Variants in DHX29 observed in about 807,000 individuals in gnomAD.
The protein encoded by DHX29 is DExH-box helicase 29, also known as ATP-dependent RNA helicase DHX29.
A neutral mutation model predicts 167.9 loss-of-function variants in DHX29; 79 were observed. The observed-to-expected ratio is 0.47, with a 90% CI of 0.39 to 0.57. The LOEUF (loss-of-function observed/expected upper bound fraction) is 0.57. Ranked by LOEUF, DHX29 falls within the 20% of genes least tolerant of loss-of-function variation. The probability of loss-of-function intolerance (pLI) is 0.00; values close to 1 mark genes in which losing one functional copy is unlikely to be tolerated. For synonymous variants in DHX29, 530 were observed against 546.0 expected (o/e 0.97, Z 0.41); for missense variants, 1,347 against 1,593.4 (o/e 0.85, Z 2.63).
intron 11 of DHX29, among the ~76,000 whole-genome samples, chr5:55,281,913 A>G (rs556440105): frequency 9.3e-4 from 141 of 151,340 alleles, no homozygotes; most frequent in African/African-American, 1.7e-3. Flanking sequence ...AGCCTCCCAC[A>G]TAGCTGGGAT....
rs373841954 is a variant in DHX29, at chr5:55,273,693, G to A, written c.2691-316C>T. ...AACAGCTGATTAAATATATATGGAT[G>A]ATAAACTGCAGCTTGGTTGGAGTTT... is the stretch of plus-strand genomic sequence containing the variant. On this transcript the variant is annotated intron_variant, in intron 16 of 26. Coordinates refer to ENST00000251636, the MANE Select transcript of DHX29 (RefSeq NM_019030.4). Among the ~76,000 whole-genome samples, 204 of 152,244 alleles carry A rather than the reference G, an allele frequency of 1.3e-3. 2 individuals are homozygous for A. The Middle Eastern group carries it at 0.024, about 18-fold the overall frequency.
chr5:55,305,265 G>T (rs1032436557), intron 1 of DHX29, among the ~76,000 whole-genome samples: 1 of 152,182 alleles, frequency 6.6e-6, no homozygotes, highest in Non-Finnish European at 1.5e-5. Context: ...AATTCAAAAG[G>T]AAGTTGTTAT....
In DHX29 at chr5:55,274,993, C is replaced by T. The variant is rs184923068; in HGVS notation, c.2445G>A (p.Gln815=). 11 of 1,613,462 alleles carry T rather than the reference C, an allele frequency of 6.8e-6. No individual in the cohort carries two copies. In the East Asian group the frequency reaches 2.5e-4, roughly 36 times the overall value. The change falls in exon 15 of 27, where the codon CAG becomes CAA. Residue 815 remains glutamine, a synonymous_variant. Transcript: ENST00000251636. ...IKKYQEYIPV[Q]TGAHADLNPF... is the part of the protein sequence containing the mutation. Reference sequence around the variant, plus strand: ...GATTTAAATCAGCATGTGCTCCAGTCTGAACTGGGATGTATTCCTAAAAGA... The same window carrying T: ...GATTTAAATCAGCATGTGCTCCAGTTTGAACTGGGATGTATTCCTAAAAGA...
chr5:55,274,536 C>T (rs1747010253), intron 16 of DHX29, 78 bp downstream of exon 16: 3 of 1,092,866 alleles, frequency 2.7e-6, no homozygotes, highest in Admixed American at 5.5e-5. Context: ...ACTTTGAAAA[C>T]TCTGATCAAG....
At position 55,277,103 on chromosome 5, in the gene DHX29, T is replaced by C. The variant is rs759656295; in HGVS notation, c.2286+3A>G. On this transcript the variant is annotated splice_donor_region_variant and intron_variant, in intron 13 of 26. Coordinates refer to ENST00000251636, the MANE Select transcript of DHX29 (RefSeq NM_019030.4). Reference sequence around the variant, plus strand: ...TTATACACACATTATAAAGAAAACTTACCTCAACAGGATAACTTCTTCCTG... The same window carrying C: ...TTATACACACATTATAAAGAAAACTCACCTCAACAGGATAACTTCTTCCTG... The C allele has an allele frequency of 2.1e-5, 33 of 1,599,680 alleles. No homozygotes were observed. Among genetic ancestry groups the C allele is most frequent in the Non-Finnish European group, 2.8e-5 (33 of 1,174,506 alleles).
rs1245379414 is a variant in DHX29 at position 55,296,474 on chromosome 5, T to C, written c.376-125A>G. ...TATAATTTCAAAACTATCTTTTTTTTCCCAGTTAAAAATGAAATGTGTTTA... is the reference window on the plus strand; with the variant it reads ...TATAATTTCAAAACTATCTTTTTTTCCCCAGTTAAAAATGAAATGTGTTTA... On this transcript the variant is annotated intron_variant, in intron 3 of 26. Transcript: ENST00000251636. 7 of 1,240,012 alleles carry C rather than the reference T, an allele frequency of 5.6e-6. No individual in the cohort carries two copies. In the Admixed American group the frequency reaches 1.0e-4, roughly 18 times the overall value. The allele number at this position is 1,240,012 out of a possible 1,614,324, so 76.8% of individuals were successfully genotyped here.
chr5:55,275,920 T>C (rs1747089015), intron 14 of DHX29, among the ~76,000 whole-genome samples: 1 of 122,582 alleles, frequency 8.2e-6, no homozygotes, highest in South Asian at 2.5e-4. Context: ...GCACCTATGG[T>C]GTTGAGAGAA....
At chr5:55,260,322 C>A (rs1746253186) in intron 25 of DHX29, among the ~76,000 whole-genome samples, 1 of 152,040 alleles carries the variant, frequency 6.6e-6, no homozygotes, top group Non-Finnish European at 1.5e-5. Flanking sequence ...ACCTTCGCCT[C>A]CCAGGTTCAA....
At chr5:55,280,145 A>C (rs905707614) in intron 12 of DHX29, among the ~76,000 whole-genome samples, 13 of 152,132 alleles carry the variant, frequency 8.5e-5, no homozygotes, top group Non-Finnish European at 2.9e-5. Flanking sequence ...TCTTACAATA[A>C]ATACTTAACA....
At position 55,278,665 on chromosome 5, in the gene DHX29, G is replaced by T. The variant is rs114258734; in HGVS notation, c.2110-1383C>A. ...ATAGCTAATCCAGATGGTCAAGAAGGCTACTAAGACAAATGCCACTGATGC... is the reference window on the plus strand; with the variant it reads ...ATAGCTAATCCAGATGGTCAAGAAGTCTACTAAGACAAATGCCACTGATGC... On this transcript the variant is annotated intron_variant, in intron 12 of 26. Transcript: ENST00000251636. Among the ~76,000 whole-genome samples, 1,178 of 152,274 alleles carry T rather than the reference G, an allele frequency of 7.7e-3. 11 individuals are homozygous for T. The highest frequency in any genetic ancestry group is 0.026 in the African/African-American group (1,086 of 41,530).
At chr5:55,263,111 G>C (rs1039951445) in intron 23 of DHX29, among the ~76,000 whole-genome samples, 179 bp from the exon 24 acceptor site, 2 of 151,954 alleles carry the variant, frequency 1.3e-5, no homozygotes, top group African/African-American at 4.8e-5. Context: ...TCAAGAATTA[G>C]AATCAGCTAT....
Position 55,269,436 on chromosome 5 carries a change from T to C in DHX29, c.3271A>G (p.Ile1091Val), listed in dbSNP as rs1746742651. ...KIGKMLIFGA[I>V]FGCLDPVATL... Reference sequence around the variant, plus strand: ...ACCACTGGGTCAAGGCAGCCAAATATGGCACCAAAAATAAGCATCTTGCCA... The same window carrying C: ...ACCACTGGGTCAAGGCAGCCAAATACGGCACCAAAAATAAGCATCTTGCCA... The change falls in exon 21 of 27, where the codon ATA becomes GTA. Residue 1091 changes from isoleucine (I) to valine (V), a missense_variant. Physicochemically the swap from Ile to Val is conservative, Grantham distance 29. Around this residue, in one of 3 missense-constraint regions of DHX29, gnomAD observed 882 missense variants for 1,082.4 expected, o/e 0.81. Coordinates refer to ENST00000251636, the MANE Select transcript of DHX29 (RefSeq NM_019030.4). 3 of 1,612,902 alleles carry C rather than the reference T, an allele frequency of 1.9e-6. No homozygotes were observed. The highest frequency in any genetic ancestry group is 4.5e-5 in the East Asian group (2 of 44,882).
At chr5:55,270,211 A>G (rs983753924) in intron 20 of DHX29, among the ~76,000 whole-genome samples, 8 of 152,158 alleles carry the variant, frequency 5.3e-5, no homozygotes, top group African/African-American at 1.9e-4. Context: ...ATGAGGCTGT[A>G]TTTTAATCTA....
Position 55,290,351 on chromosome 5 carries a change from CA to C in DHX29, c.781-8del, listed in dbSNP as rs1747978021. 1 of 1,570,736 alleles carries C rather than the reference CA, an allele frequency of 6.4e-7. No homozygotes were observed. Among genetic ancestry groups the C allele is most frequent in the African/African-American group, 1.4e-5 (1 of 72,352 alleles). On this transcript the variant is annotated splice_region_variant and splice_polypyrimidine_tract_variant and intron_variant, in intron 6 of 26. Coordinates refer to ENST00000251636, the MANE Select transcript of DHX29 (RefSeq NM_019030.4). Reference sequence around the variant, plus strand: ...GATGTAAGTACCTTTCATTCTGTTCCAAATAAAACAATGAGGAGGGGGAAAA... The same window carrying C: ...GATGTAAGTACCTTTCATTCTGTTCCAATAAAACAATGAGGAGGGGGAAAA...
Position 55,283,436 on chromosome 5 carries a change from G to C in DHX29, c.1732C>G (p.Arg578Gly). 1.2e-6 allele frequency: 2 copies of C among 1,614,134 alleles called. No individual in the cohort carries two copies. Among genetic ancestry groups the C allele is most frequent in the Non-Finnish European group, 8.5e-7 (1 of 1,180,026 alleles). ...ERQQLPVFKH[R>G]DSIVETLKRH... ...TTAAGAGTTTCAACAATTGAGTCCC[G>C]ATGTTTAAATACAGGTAGCTGTTGT... The change falls in exon 11 of 27, where the codon CGG becomes GGG. Residue 578 changes from arginine (R) to glycine (G), a missense_variant. By Grantham distance (125) the Arg-to-Gly change is moderately radical. Transcript: ENST00000251636.
At position 55,267,762 on chromosome 5, in the gene DHX29, C is replaced by G. The variant is rs372274520; in HGVS notation, c.3355G>C (p.Asp1119His). Residue 1119 changes from aspartate to histidine, a missense_variant, in exon 22 of 27, where the codon GAT (aspartate) becomes CAT (histidine). By Grantham distance (81) the Asp-to-His change is moderately conservative. This residue lies in a region of DHX29 where 882 missense variants were observed against 1,082.4 expected (regional missense o/e 0.81). Transcript: ENST00000251636. ...GCTGATTTTGCAAGATCTGCTTCAT[C>G]TTTTCGACCAATTGGTGTGGTAAAA... The part of the protein sequence containing the change: ...SPFTTPIGRK[D>H]EADLAKSALA... 9 of 1,609,568 alleles carry G rather than the reference C, an allele frequency of 5.6e-6. No individual in the cohort carries two copies. The African/African-American group carries it at 1.2e-4, about 22-fold the overall frequency.
At chr5:55,264,827 T>A (rs1746475168) in intron 23 of DHX29, among the ~76,000 whole-genome samples, 1 of 152,212 alleles carries the variant, frequency 6.6e-6, no homozygotes, top group African/African-American at 2.4e-5. Context: ...GCATTTATCC[T>A]AATTTTCTTG....
chr5:55,300,306 T>C (rs1186207191), intron 1 of DHX29, among the ~76,000 whole-genome samples: 1 of 152,088 alleles, frequency 6.6e-6, no homozygotes, highest in East Asian at 1.9e-4. Context: ...AAGGCTGCAG[T>C]AGTAGCTACA....
intron 23 of DHX29, among the ~76,000 whole-genome samples, chr5:55,263,583 G>A (rs913260223): frequency 3.3e-5 from 5 of 151,784 alleles, no homozygotes; most frequent in Non-Finnish European, 7.4e-5. Flanking sequence ...GATTCTAGGA[G>A]AGAAAAGACC....
Sources: allele counts gnomAD v4.1 joint callset (sites outside exome capture counted in the v4.1 genomes callset), GRCh38; gene constraint gnomAD v4.1.1; regional missense constraint gnomAD v4.1.1; transcripts MANE v1.5; gene names NCBI Gene and HGNC (gene_info 2026-07-23, HGNC 2026-07-21).